The following TBC1D19 variants were observed in gnomAD, a reference collection of about 807,000 sequenced individuals.
The protein encoded by TBC1D19 is TBC1 domain family member 19.
TBC1D19 carries 60 observed loss-of-function variants against 89.0 expected under a neutral mutation model. That is an observed-to-expected ratio of 0.67 (90% CI 0.55 to 0.84). The LOEUF (loss-of-function observed/expected upper bound fraction) is 0.84. Among genes scored for constraint, TBC1D19 ranks in the 40% least tolerant of loss-of-function variants. TBC1D19 has a pLI of 0.00. For missense variants in TBC1D19, 500 were observed against 610.8 expected, an observed-to-expected ratio of 0.82 and a Z score of 1.91; for synonymous variants, 189 against 199.7, an observed-to-expected ratio of 0.95 and a Z score of 0.45.
chr4:26,635,210 C>A (rs568781350), intron 4 of TBC1D19, among the ~76,000 whole-genome samples: 35 of 152,116 alleles, frequency 2.3e-4, no homozygotes, highest in Non-Finnish European at 4.0e-4. Context: ...TACCTGTTTT[C>A]TCCACCATTT....
chr4:26,815,227 C>G, the TBC1D19 span, among the ~76,000 whole-genome samples: 1 of 152,144 alleles, frequency 6.6e-6, no homozygotes, highest in Non-Finnish European at 1.5e-5. Flanking sequence ...CTTTTTGTGG[C>G]CAAAATTCAC....
the TBC1D19 span, among the ~76,000 whole-genome samples, chr4:26,804,092 CA>C: frequency 1.5e-3 from 203 of 138,478 alleles, no homozygotes; most frequent in Middle Eastern, 3.6e-3. Flanking sequence ...GAAACAGAAA[CA>C]AAAAAAAAAA....
chr4:26,768,846 C>T, the TBC1D19 span, among the ~76,000 whole-genome samples: 1 of 151,616 alleles, frequency 6.6e-6, no homozygotes, highest in African/African-American at 2.4e-5. Context: ...TTTAAACAAC[C>T]TAATATACTT....
the TBC1D19 span, among the ~76,000 whole-genome samples, chr4:26,766,990 A>G: frequency 1.3e-5 from 2 of 152,138 alleles, no homozygotes; most frequent in Admixed American, 6.6e-5. Flanking sequence ...GTGCTCTGCC[A>G]TTTTTAGGGT....
chr4:26,741,280 C>T (rs4365715), intron 17 of TBC1D19, among the ~76,000 whole-genome samples: 2,657 of 148,566 alleles, frequency 0.018, 51 homozygotes, highest in East Asian at 0.066. Flanking sequence ...GGCGTGAACC[C>T]GGGAAGCGGA....
the TBC1D19 span, among the ~76,000 whole-genome samples, chr4:26,788,917 C>T: frequency 6.6e-6 from 1 of 152,208 alleles, no homozygotes; most frequent in African/African-American, 2.4e-5. Flanking sequence ...CTTGGCTGAA[C>T]ATTTCAGGGG....
chr4:26,697,813 A>C (rs651238), intron 13 of TBC1D19, among the ~76,000 whole-genome samples: 2,938 of 152,086 alleles, frequency 0.019, 95 homozygotes, highest in African/African-American at 0.068. Flanking sequence ...ATTCAACAAC[A>C]CTTCATGCTA....
At chr4:26,613,285 GT>G (rs1741491976) in intron 2 of TBC1D19, 44 bp downstream of exon 2, 2 of 1,238,886 alleles carry the variant, frequency 1.6e-6, no homozygotes, top group Non-Finnish European at 2.3e-6. Flanking sequence ...ATAAGAAAAT[GT>G]TTTATTTATT....
rs79534523 is a variant in TBC1D19, at chr4:26,629,308, A to T, written c.295-7903A>T. 6.8e-4 allele frequency among the ~76,000 whole-genome samples: 104 copies of T among 152,138 alleles called. 1 individual carries two copies. In the East Asian group the frequency reaches 0.018, roughly 26 times the overall value. ...TGGCTCTCTGACTCCCAGATCTCAG[A>T]TACTCAGGTACTTTTCCGGTCTCAT... is the stretch of plus-strand genomic sequence containing the variant. On this transcript the variant is annotated intron_variant, in intron 4 of 20. Coordinates refer to ENST00000264866, the MANE Select transcript of TBC1D19 (RefSeq NM_018317.4).
chr4:26,609,835 T>A (rs918657071), intron 1 of TBC1D19, among the ~76,000 whole-genome samples: 4 of 152,136 alleles, frequency 2.6e-5, no homozygotes, highest in Non-Finnish European at 5.9e-5. Flanking sequence ...GAGCACCTAC[T>A]GTGTGAAAAC....
the TBC1D19 span, among the ~76,000 whole-genome samples, chr4:26,785,111 G>T: frequency 6.6e-6 from 1 of 152,128 alleles, no homozygotes; most frequent in African/African-American, 2.4e-5. Context: ...CATTTGAAAT[G>T]TTAGAAGCCA....
downstream of TBC1D19, among the ~76,000 whole-genome samples, chr4:26,759,299 C>T (rs1257878078): frequency 6.6e-6 from 1 of 152,040 alleles, no homozygotes; most frequent in Non-Finnish European, 1.5e-5. Flanking sequence ...ATTGAATGAA[C>T]GAATGACATC....
At chr4:26,581,225 T>C (rs1739056450), upstream of TBC1D19, among the ~76,000 whole-genome samples, 1 of 152,232 alleles carries the variant, frequency 6.6e-6, no homozygotes, top group Admixed American at 6.5e-5. Flanking sequence ...TTATTTACTA[T>C]ACTCTAAGTT....
chr4:26,815,685 G>C, the TBC1D19 span, among the ~76,000 whole-genome samples: 1 of 152,190 alleles, frequency 6.6e-6, no homozygotes, highest in East Asian at 1.9e-4. Context: ...GACAGGACTC[G>C]TCAGTGCCTT....
chr4:26,661,365 G>A (rs1425969563), intron 8 of TBC1D19, among the ~76,000 whole-genome samples: 1 of 152,044 alleles, frequency 6.6e-6, no homozygotes, highest in East Asian at 1.9e-4. Context: ...ACTCTAGAAT[G>A]CCAGAGAAAA....
intron 1 of TBC1D19, among the ~76,000 whole-genome samples, chr4:26,601,232 T>C (rs1416552365): frequency 6.6e-6 from 1 of 152,130 alleles, no homozygotes; most frequent in Non-Finnish European, 1.5e-5. Flanking sequence ...TGTTCTACGG[T>C]CTGTCTCTAT....
At chr4:26,789,841 GA>G in the TBC1D19 span, among the ~76,000 whole-genome samples, 1 of 152,148 alleles carries the variant, frequency 6.6e-6, no homozygotes, top group South Asian at 2.1e-4. Flanking sequence ...ACATACCATG[GA>G]ATACTATGCA....
At chr4:26,854,729 T>A in the TBC1D19 span, among the ~76,000 whole-genome samples, 1 of 7,016 alleles carries the variant, frequency 1.4e-4, no homozygotes, top group African/African-American at 5.9e-4. Flanking sequence ...CTCCAGCCTT[T>A]TTTTTTTTTT....
chr4:26,734,357 A>T (rs192779629), intron 15 of TBC1D19, among the ~76,000 whole-genome samples: 48 of 152,256 alleles, frequency 3.2e-4, no homozygotes, highest in Middle Eastern at 3.4e-3. Context: ...TTTCTATATT[A>T]TTTTTCAAAA....
Sources: gnomAD v4.1 joint callset for allele counts (sites outside exome capture counted in the v4.1 genomes callset) on GRCh38, gnomAD v4.1.1 for gene constraint, MANE v1.5 for transcripts, NCBI Gene and HGNC (gene_info 2026-07-23, HGNC 2026-07-21) for gene names.